Variants in TMEM178B observed in about 807,000 individuals in gnomAD.
The protein encoded by TMEM178B is transmembrane protein 178B.
A neutral mutation model predicts 31.0 loss-of-function variants in TMEM178B; 5 were observed. That is an observed-to-expected ratio of 0.16 (90% CI 0.08 to 0.34). The LOEUF (loss-of-function observed/expected upper bound fraction) is 0.34. Among genes scored for constraint, TMEM178B ranks in the 10% least tolerant of loss-of-function variants. The pLI is 1.00. For synonymous variants in TMEM178B, 164 were observed against 164.0 expected, an observed-to-expected ratio of 1.00 and a Z score of 0.00; for missense variants, 275 against 400.3, an observed-to-expected ratio of 0.69 and a Z score of 2.67.
intron 2 of TMEM178B, among the ~76,000 whole-genome samples, chr7:141,242,739 C>T (rs1709094609): frequency 1.3e-5 from 2 of 151,924 alleles, no homozygotes; most frequent in African/African-American, 4.8e-5. Flanking sequence ...GACAGAGTTT[C>T]ACCACATTGG....
intron 2 of TMEM178B, among the ~76,000 whole-genome samples, chr7:141,376,748 T>C (rs1229915489): frequency 1.3e-5 from 2 of 152,208 alleles, no homozygotes; most frequent in African/African-American, 2.4e-5. Flanking sequence ...AGCTGAGACA[T>C]TCTGCAGGAC....
chr7:141,093,029 G>T (rs1794904533), intron 1 of TMEM178B, among the ~76,000 whole-genome samples: 1 of 152,140 alleles, frequency 6.6e-6, no homozygotes, highest in Non-Finnish European at 1.5e-5. Flanking sequence ...AGATGTCAGG[G>T]AATTAAAGAT....
At chr7:141,249,173 A>T (rs980168573) in intron 2 of TMEM178B, among the ~76,000 whole-genome samples, 19 of 152,160 alleles carry the variant, frequency 1.2e-4, no homozygotes, top group Non-Finnish European at 2.8e-4. Context: ...CATGGGACAG[A>T]CCCAGTGGGA....
chr7:141,285,225 A>T (rs1798430036), intron 2 of TMEM178B, among the ~76,000 whole-genome samples: 1 of 126,234 alleles, frequency 7.9e-6, no homozygotes, highest in South Asian at 2.4e-4. Context: ...ATCTCGGCTC[A>T]CTTCAAGCTC....
intron 1 of TMEM178B, among the ~76,000 whole-genome samples, chr7:141,102,862 G>A (rs1795081286): frequency 6.6e-6 from 1 of 152,164 alleles, no homozygotes; most frequent in African/African-American, 2.4e-5. Context: ...GGCAGGCAGG[G>A]TAGCTGGTAT....
At chr7:141,373,653 C>A (rs765286124) in intron 2 of TMEM178B, among the ~76,000 whole-genome samples, 1 of 152,144 alleles carries the variant, frequency 6.6e-6, no homozygotes, top group Admixed American at 6.5e-5. Context: ...CCCTCCACCC[C>A]CCCAACACAC....
intron 2 of TMEM178B, among the ~76,000 whole-genome samples, chr7:141,319,486 A>C (rs183778045): frequency 6.6e-6 from 1 of 152,318 alleles, no homozygotes; most frequent in South Asian, 2.1e-4. Context: ...ATAGAGGCTA[A>C]CTTCTGAAGC....
chr7:141,452,556 G>C (rs1354124068), intron 3 of TMEM178B, among the ~76,000 whole-genome samples: 1 of 152,042 alleles, frequency 6.6e-6, no homozygotes, highest in Non-Finnish European at 1.5e-5. Flanking sequence ...TCCATTCCCT[G>C]AGTGCCATCT....
At chr7:141,090,312 A>C (rs1586762341) in intron 1 of TMEM178B, among the ~76,000 whole-genome samples, 1 of 152,062 alleles carries the variant, frequency 6.6e-6, no homozygotes, top group Non-Finnish European at 1.5e-5. Context: ...AGCATCCCAA[A>C]CCCCAGAGTG....
intron 1 of TMEM178B, among the ~76,000 whole-genome samples, chr7:141,200,894 G>A (rs531583409): frequency 1.5e-4 from 23 of 152,266 alleles, no homozygotes; most frequent in African/African-American, 5.5e-4. Flanking sequence ...TCTGCCTCCA[G>A]CACCGCCCTG....
At chr7:141,181,688 C>T (rs1053555128) in intron 1 of TMEM178B, among the ~76,000 whole-genome samples, 14 of 152,192 alleles carry the variant, frequency 9.2e-5, no homozygotes, top group Admixed American at 4.6e-4. Context: ...TTCACAACCA[C>T]GAGCTAGGAC....
intron 2 of TMEM178B, among the ~76,000 whole-genome samples, chr7:141,214,610 A>G (rs1586829393): frequency 1.3e-5 from 2 of 152,228 alleles, no homozygotes; most frequent in South Asian, 4.1e-4. Context: ...CACACTGTAG[A>G]TACCTGGAAT....
chr7:141,219,720 G>A (rs546296533), intron 2 of TMEM178B, among the ~76,000 whole-genome samples: 13 of 152,278 alleles, frequency 8.5e-5, no homozygotes, highest in African/African-American at 2.9e-4. Context: ...TTATGCACCA[G>A]GCCAGGCAGA....
rs535631057 is a variant in TMEM178B, at chr7:141,420,646, G to C, written c.497-16962G>C. ...CAGGAGAGGGAATGAGTGGAGAGAAGGAAGCACTGCCTTTGAAGGAGGGAG... is the reference window on the plus strand; with the variant it reads ...CAGGAGAGGGAATGAGTGGAGAGAACGAAGCACTGCCTTTGAAGGAGGGAG... On this transcript the variant is annotated intron_variant, in intron 2 of 3. Transcript: ENST00000565468. 3.3e-5 allele frequency among the ~76,000 whole-genome samples: 5 copies of C among 152,250 alleles called. No individual in the cohort carries two copies. The East Asian group carries it at 9.7e-4, about 29-fold the overall frequency.
chr7:141,151,936 C>T (rs906822494), intron 1 of TMEM178B, among the ~76,000 whole-genome samples: 1 of 152,136 alleles, frequency 6.6e-6, no homozygotes, highest in Non-Finnish European at 1.5e-5. Context: ...CGGGTGCAGC[C>T]TGACACGTGA....
chr7:141,105,466 C>T (rs1586771103), intron 1 of TMEM178B, among the ~76,000 whole-genome samples: 1 of 152,126 alleles, frequency 6.6e-6, no homozygotes, highest in Non-Finnish European at 1.5e-5. Context: ...GAGATCGTGC[C>T]ACTGTATTCT....
intron 1 of TMEM178B, among the ~76,000 whole-genome samples, chr7:141,155,251 C>T (rs1796048960): frequency 1.3e-5 from 2 of 152,184 alleles, no homozygotes; most frequent in African/African-American, 4.8e-5. Context: ...ACATTAGGCA[C>T]ATGTGAGTCG....
chr7:141,343,171 C>G (rs1799548651), intron 2 of TMEM178B, among the ~76,000 whole-genome samples: 1 of 152,236 alleles, frequency 6.6e-6, no homozygotes, highest in South Asian at 2.1e-4. Flanking sequence ...ACTTCACTCA[C>G]ATCTCTGGAC....
intron 2 of TMEM178B, among the ~76,000 whole-genome samples, chr7:141,436,317 G>A (rs1053244082): frequency 6.6e-6 from 1 of 151,852 alleles, no homozygotes. Context: ...TGGTGTGCTT[G>A]CACGGGGTGT....
Sources: allele counts gnomAD v4.1 joint callset (sites outside exome capture counted in the v4.1 genomes callset), GRCh38; gene constraint gnomAD v4.1.1; transcripts MANE v1.5; gene names NCBI Gene and HGNC (gene_info 2026-07-23, HGNC 2026-07-21).